Variants in BCAS1 observed in about 807,000 individuals in gnomAD.
BCAS1 encodes breast carcinoma-amplified sequence 1.
Under a neutral mutation model 65.4 loss-of-function variants are expected in BCAS1, and 46 were observed. The observed-to-expected ratio is 0.70, with a 90% CI of 0.55 to 0.90. The LOEUF (loss-of-function observed/expected upper bound fraction) is 0.90, where lower values mean the gene tolerates loss of function less well. Ranked by LOEUF, BCAS1 falls within the 40% of genes least tolerant of loss-of-function variation. The pLI, the probability that BCAS1 is intolerant of heterozygous loss-of-function variation, is 0.00. For synonymous variants in BCAS1, 298 were observed against 293.5 expected, an observed-to-expected ratio of 1.02 and a Z score of -0.16; for missense variants, 793 against 771.2, an observed-to-expected ratio of 1.03 and a Z score of -0.33.
chr20:54,028,376 AC>A lies in BCAS1; in HGVS notation c.723+15del, dbSNP rs1568894267. ...CATGCATTCAGAACCAAGTGGATAC[AC>A]CTTGGCACACTTACCTTCCCTGCAG... On this transcript the variant is annotated intron_variant, in intron 4 of 12. Transcript: ENST00000688948. 6.2e-7 allele frequency: 1 copy of A among 1,613,362 alleles called. No individual in the cohort carries two copies. Among genetic ancestry groups the A allele is most frequent in the Non-Finnish European group, 8.5e-7 (1 of 1,179,274 alleles).
intron 4 of BCAS1, among the ~76,000 whole-genome samples, chr20:53,996,892 G>A (rs1024463732): frequency 1.3e-4 from 20 of 152,112 alleles, no homozygotes; most frequent in African/African-American, 4.6e-4. Context: ...TCTGTACCAC[G>A]TGCTCCTTCA....
intron 12 of BCAS1, among the ~76,000 whole-genome samples, chr20:53,948,388 A>G (rs1164962112): frequency 2.0e-5 from 3 of 152,236 alleles, no homozygotes; most frequent in Non-Finnish European, 4.4e-5. Context: ...GCATTTAAAA[A>G]TTAGGTATTT....
At chr20:54,063,662 T>C (rs1251538626) in intron 1 of BCAS1, among the ~76,000 whole-genome samples, 1 of 152,176 alleles carries the variant, frequency 6.6e-6, no homozygotes, top group African/African-American at 2.4e-5. Context: ...AGGACTCTTA[T>C]GTTAAAATTG....
chr20:53,983,666 CTG>C (rs2090539432), intron 8 of BCAS1, among the ~76,000 whole-genome samples: 1 of 152,226 alleles, frequency 6.6e-6, no homozygotes, highest in Admixed American at 6.5e-5. Flanking sequence ...CTACCAATGA[CTG>C]GGCACGACAG....
At chr20:54,011,015 T>C (rs1338965735) in intron 4 of BCAS1, among the ~76,000 whole-genome samples, 1 of 152,116 alleles carries the variant, frequency 6.6e-6, no homozygotes, top group Admixed American at 6.5e-5. Context: ...GCTAGAGCAA[T>C]TTGACATCTA....
chr20:53,977,103 G>A lies in BCAS1; in HGVS notation c.1276-1673C>T, dbSNP rs143298537. Among the ~76,000 whole-genome samples the A allele has an allele frequency of 2.6e-3, 389 of 152,226 alleles. 2 individuals are homozygous for A. Among genetic ancestry groups the A allele is most frequent in the African/African-American group, 9.1e-3 (378 of 41,554 alleles). On this transcript the variant is annotated intron_variant, in intron 8 of 12. Transcript: ENST00000688948. ...TACATGGTGGCAGGCAAGAGAGAGC[G>A]AAGGGAGAAGAGCCCCTTATAAAGC...
At chr20:54,069,801 A>G (rs2092492725) in intron 1 of BCAS1, among the ~76,000 whole-genome samples, 1 of 152,166 alleles carries the variant, frequency 6.6e-6, no homozygotes, top group Non-Finnish European at 1.5e-5. Flanking sequence ...CCCAGGGTGG[A>G]GCTGGGGCTG....
chr20:53,961,944 G>A (rs1243960307), intron 10 of BCAS1, among the ~76,000 whole-genome samples: 1 of 152,184 alleles, frequency 6.6e-6, no homozygotes, highest in Non-Finnish European at 1.5e-5. Context: ...GATACTGCGT[G>A]CAAAGTGCCT....
chr20:53,993,001 A>G (rs1170603287), intron 6 of BCAS1, among the ~76,000 whole-genome samples: 2 of 152,210 alleles, frequency 1.3e-5, no homozygotes, highest in African/African-American at 2.4e-5. Context: ...CTATTGCTAC[A>G]TGGTAAAGTA....
chr20:54,004,284 C>T (rs796858502), intron 4 of BCAS1, among the ~76,000 whole-genome samples: 2 of 152,292 alleles, frequency 1.3e-5, no homozygotes, highest in African/African-American at 4.8e-5. Context: ...AGGGTCCTCA[C>T]AAGAACCCAA....
chr20:54,068,114 C>G (rs1376736491), intron 1 of BCAS1, among the ~76,000 whole-genome samples: 1 of 152,232 alleles, frequency 6.6e-6, no homozygotes, highest in Non-Finnish European at 1.5e-5. Context: ...GAACTGAAAT[C>G]CAGTCCTCAC....
Position 53,967,036 on chromosome 20 carries a change from T to C in BCAS1, c.1355A>G (p.Lys452Arg). The C allele has an allele frequency of 1.2e-6, 2 of 1,612,582 alleles. No homozygotes were observed. The highest frequency in any genetic ancestry group is 1.7e-6 in the Non-Finnish European group (2 of 1,179,350). Residue 452 changes from lysine to arginine, a missense_variant, in exon 10 of 13, where the codon AAG (lysine) becomes AGG (arginine). By Grantham distance (26) the Lys-to-Arg change is conservative. Coordinates refer to ENST00000688948, the MANE Select transcript of BCAS1 (RefSeq NM_001366298.2). The stretch of plus-strand genomic sequence containing the variant: ...TGTTTGTAAGGCTGATTCTACTTCC[T>C]TGGACTTTATAATCTCTACTGGTGA... ...CESPVEIIKS[K>R]EVESALQTVD...
intron 12 of BCAS1, among the ~76,000 whole-genome samples, chr20:53,949,162 C>T (rs2089431622): frequency 6.6e-6 from 1 of 151,870 alleles, no homozygotes; most frequent in African/African-American, 2.4e-5. Flanking sequence ...AATAGTTTCA[C>T]TTTTATCATA....
At chr20:54,069,076 C>A (rs1030783690) in intron 1 of BCAS1, among the ~76,000 whole-genome samples, 2 of 152,174 alleles carry the variant, frequency 1.3e-5, no homozygotes, top group Non-Finnish European at 1.5e-5. Context: ...TTTGTTCCCC[C>A]ACCCTCACTT....
intron 11 of BCAS1, among the ~76,000 whole-genome samples, chr20:53,956,694 G>C (rs2089710545): frequency 6.6e-6 from 1 of 150,916 alleles, no homozygotes; most frequent in African/African-American, 2.4e-5. Context: ...GCCAGGATTT[G>C]AACCAGACAG....
At chr20:53,991,977 T>C (rs2090772855) in intron 7 of BCAS1, among the ~76,000 whole-genome samples, 1 of 152,204 alleles carries the variant, frequency 6.6e-6, no homozygotes, top group African/African-American at 2.4e-5. Flanking sequence ...CTTTAACATT[T>C]TTCTACCATT....
intron 4 of BCAS1, among the ~76,000 whole-genome samples, chr20:54,016,087 T>C (rs969767015): frequency 3.9e-5 from 6 of 152,252 alleles, no homozygotes; most frequent in African/African-American, 1.4e-4. Flanking sequence ...GAGATTCTTC[T>C]GCATGCTATT....
chr20:53,981,900 C>G (rs766969180), intron 8 of BCAS1, among the ~76,000 whole-genome samples: 5 of 151,794 alleles, frequency 3.3e-5, no homozygotes, highest in South Asian at 4.2e-4. Flanking sequence ...GAATTTTATA[C>G]TTGTTTTGTA....
At chr20:53,992,491 C>G in intron 7 of BCAS1, 21 bp downstream of exon 7, 1 of 1,363,978 alleles carries the variant, frequency 7.3e-7, no homozygotes, top group Non-Finnish European at 9.8e-7. Flanking sequence ...GTTTTTCCTC[C>G]TACTTTAATA....
Sources: gnomAD v4.1 joint callset for allele counts (sites outside exome capture counted in the v4.1 genomes callset) on GRCh38, gnomAD v4.1.1 for gene constraint, MANE v1.5 for transcripts, NCBI Gene and HGNC (gene_info 2026-07-23, HGNC 2026-07-21) for gene names.